Variants in ZBTB7C observed in about 807,000 individuals in gnomAD.
ZBTB7C encodes zinc finger and BTB domain-containing protein 7C.
A neutral mutation model predicts 25.7 loss-of-function variants in ZBTB7C; 8 were observed. The ratio of observed to expected loss-of-function variants is 0.31; its 90% CI spans 0.18 to 0.56. The LOEUF (loss-of-function observed/expected upper bound fraction) is 0.56, where lower values mean the gene tolerates loss of function less well. ZBTB7C is among the 20% of genes least tolerant of loss of function. ZBTB7C has a pLI of 0.91. For synonymous variants in ZBTB7C, 394 were observed against 369.0 expected (o/e 1.07, Z -0.78); for missense variants, 824 against 855.2 (o/e 0.96, Z 0.46).
chr18:48,288,675 T>C (rs2045130555), intron 2 of ZBTB7C, among the ~76,000 whole-genome samples: 1 of 151,948 alleles, frequency 6.6e-6, no homozygotes. Context: ...TAAATGTAAA[T>C]TAAAAAACAG....
At chr18:48,037,872 C>A (rs1020005547) in intron 4 of ZBTB7C, among the ~76,000 whole-genome samples, 2 of 152,358 alleles carry the variant, frequency 1.3e-5, no homozygotes, top group South Asian at 4.1e-4. Context: ...AGCTTCCTGG[C>A]ATCCTTAAAG....
At position 48,258,931 on chromosome 18, in the gene ZBTB7C, A is replaced by C. The variant is rs557032834; in HGVS notation, c.-78-72936T>G. Among the ~76,000 whole-genome samples, 13 of 152,304 alleles carry C rather than the reference A, an allele frequency of 8.5e-5. No homozygotes were observed. The South Asian group carries it at 2.3e-3, about 27-fold the overall frequency. On this transcript the variant is annotated intron_variant, in intron 2 of 4. Coordinates refer to ENST00000590800, the MANE Select transcript of ZBTB7C (RefSeq NM_001318841.2). ...CTCAGCCTCCCAAAGTGCTGGGATT[A>C]CAGGTGTGAGCCACTGCGCCCTGCC...
chr18:48,337,851 T>C (rs1263858027), intron 2 of ZBTB7C, among the ~76,000 whole-genome samples: 8 of 152,218 alleles, frequency 5.3e-5, no homozygotes, highest in Admixed American at 3.9e-4. Flanking sequence ...CCACAGAAGC[T>C]GATGGGGAAT....
chr18:48,254,396 T>G (rs1192555391), intron 2 of ZBTB7C, among the ~76,000 whole-genome samples: 1 of 152,210 alleles, frequency 6.6e-6, no homozygotes, highest in African/African-American at 2.4e-5. Context: ...GTGATCAGCC[T>G]TCTCCTTTCC....
At chr18:48,314,326 A>G (rs887244409) in intron 2 of ZBTB7C, among the ~76,000 whole-genome samples, 8 of 152,188 alleles carry the variant, frequency 5.3e-5, no homozygotes, top group Admixed American at 1.3e-4. Context: ...CCTGGGGAAC[A>G]TGGCAAAAGC....
chr18:48,075,563 G>A (rs1319588114), intron 3 of ZBTB7C, among the ~76,000 whole-genome samples: 2 of 152,134 alleles, frequency 1.3e-5, no homozygotes, highest in Non-Finnish European at 2.9e-5. Context: ...ACAGTTTTGG[G>A]TTGATTGATT....
chr18:48,162,037 C>T (rs2041074431), intron 3 of ZBTB7C, among the ~76,000 whole-genome samples: 1 of 152,180 alleles, frequency 6.6e-6, no homozygotes, highest in Non-Finnish European at 1.5e-5. Flanking sequence ...GGGACCCGCA[C>T]TGACCCCGCA....
At chr18:48,300,988 C>T (rs945823777) in intron 2 of ZBTB7C, among the ~76,000 whole-genome samples, 1 of 152,230 alleles carries the variant, frequency 6.6e-6, no homozygotes, top group East Asian at 1.9e-4. Context: ...ATTTGACCAT[C>T]CACTGAAAAT....
At chr18:48,229,624 T>C (rs7231661) in intron 2 of ZBTB7C, among the ~76,000 whole-genome samples, 2,691 of 152,344 alleles carry the variant, frequency 0.018, 34 homozygotes, top group South Asian at 0.038. Context: ...CTTAATAATT[T>C]AATGCCTTTG....
intron 3 of ZBTB7C, chr18:48,165,344 T>A (rs9646522): frequency 3.4e-5 from 14 of 409,492 alleles, no homozygotes; most frequent in Non-Finnish European, 6.4e-5. Context: ...TCAGAGACAA[T>A]GAGTGTCCAG....
At chr18:48,164,634 C>T (rs115375531) in intron 3 of ZBTB7C, among the ~76,000 whole-genome samples, 15 of 151,940 alleles carry the variant, frequency 9.9e-5, no homozygotes, top group African/African-American at 2.4e-4. Flanking sequence ...GTTTCATAAG[C>T]GCTTTTTTTT....
rs1299680324 is a variant in ZBTB7C at position 48,345,598 on chromosome 18, C to CA, written c.-303-7201_-303-7200insT. On this transcript the variant is annotated intron_variant, in intron 1 of 4. Coordinates refer to ENST00000590800, the MANE Select transcript of ZBTB7C (RefSeq NM_001318841.2). ...TCTGTCTCTTCAGCATGCTCCTGGGCGGGTATTTCAGGAGTATATTTCTGT... is the reference window on the plus strand; with the variant it reads ...TCTGTCTCTTCAGCATGCTCCTGGGCAGGGTATTTCAGGAGTATATTTCTGT... Among the ~76,000 whole-genome samples, 338 of 152,172 alleles carry CA rather than the reference C, an allele frequency of 2.2e-3. 2 individuals are homozygous for CA. The highest frequency in any genetic ancestry group is 4.0e-3 in the Non-Finnish European group (271 of 68,014).
chr18:48,230,333 C>T (rs2145345147), intron 2 of ZBTB7C, among the ~76,000 whole-genome samples: 1 of 152,332 alleles, frequency 6.6e-6, no homozygotes, highest in East Asian at 1.9e-4. Flanking sequence ...GAAAGCAACC[C>T]AGTGGGAAGC....
chr18:48,141,493 T>C (rs553295706), intron 3 of ZBTB7C, among the ~76,000 whole-genome samples: 1 of 152,188 alleles, frequency 6.6e-6, no homozygotes, highest in Admixed American at 6.5e-5. Flanking sequence ...GAATCCTAGA[T>C]CTGGGAAACA....
chr18:48,221,919 T>TAGTCTCCTCTATACTGTCCC (rs1389149148), intron 2 of ZBTB7C, among the ~76,000 whole-genome samples: 4 of 149,532 alleles, frequency 2.7e-5, no homozygotes, highest in African/African-American at 1.0e-4. Context: ...TATACTGTCC[T>TAGTCTCCTCTATACTGTCCC]AGTCTCCTCT....
At chr18:48,373,865 G>A (rs550701594) in intron 1 of ZBTB7C, among the ~76,000 whole-genome samples, 2 of 152,092 alleles carry the variant, frequency 1.3e-5, no homozygotes, top group East Asian at 1.9e-4. Flanking sequence ...GGGGGCTAAG[G>A]AAGGAGAATG....
At chr18:48,216,047 A>G (rs2042815634) in intron 2 of ZBTB7C, among the ~76,000 whole-genome samples, 1 of 152,166 alleles carries the variant, frequency 6.6e-6, no homozygotes, top group Non-Finnish European at 1.5e-5. Flanking sequence ...AGAGTATAAT[A>G]AGGCGTGTCC....
intron 2 of ZBTB7C, among the ~76,000 whole-genome samples, chr18:48,302,599 G>A (rs747353037): frequency 2.6e-5 from 4 of 152,228 alleles, no homozygotes; most frequent in Non-Finnish European, 4.4e-5. Context: ...TAGAGAGCTA[G>A]CTAAGTCAGG....
At chr18:48,048,125 G>A (rs532328790) in intron 3 of ZBTB7C, among the ~76,000 whole-genome samples, 1 of 152,198 alleles carries the variant, frequency 6.6e-6, no homozygotes, top group Non-Finnish European at 1.5e-5. Flanking sequence ...AGCAGAGGGG[G>A]CTGAGACCCA....
Sources: gnomAD v4.1 joint callset for allele counts (sites outside exome capture counted in the v4.1 genomes callset) on GRCh38, gnomAD v4.1.1 for gene constraint, MANE v1.5 for transcripts, NCBI Gene and HGNC (gene_info 2026-07-23, HGNC 2026-07-21) for gene names.